The following BIRC2 variants were observed in gnomAD, a reference collection of about 807,000 sequenced individuals.
BIRC2 encodes baculoviral IAP repeat-containing protein 2.
In BIRC2, 18 loss-of-function variants were observed where a neutral mutation model predicts 60.9. The ratio of observed to expected loss-of-function variants is 0.30; its 90% CI spans 0.20 to 0.44. BIRC2 has a LOEUF of 0.44. Among genes scored for constraint, BIRC2 ranks in the 20% least tolerant of loss-of-function variants. BIRC2 has a pLI of 1.00. For missense variants in BIRC2, 701 were observed against 728.5 expected, an observed-to-expected ratio of 0.96 and a Z score of 0.43; for synonymous variants, 282 against 247.7, an observed-to-expected ratio of 1.14 and a Z score of -1.30.
intron 6 of BIRC2, among the ~76,000 whole-genome samples, chr11:102,371,688 A>C (rs1159229789): frequency 4.1e-5 from 6 of 147,018 alleles, no homozygotes; most frequent in African/African-American, 1.5e-4. Flanking sequence ...TCATAAAATG[A>C]GTTAGGGAGG....
At chr11:102,359,930 C>G (rs183722432) in intron 3 of BIRC2, among the ~76,000 whole-genome samples, 176 of 149,934 alleles carry the variant, frequency 1.2e-3, no homozygotes, top group Non-Finnish European at 1.9e-3. Context: ...TGTCCTTTCT[C>G]TCTTTTCCTT....
chr11:102,357,378 TTTC>T (rs201372692), intron 3 of BIRC2, among the ~76,000 whole-genome samples: 1,690 of 152,060 alleles, frequency 0.011, 30 homozygotes, highest in African/African-American at 0.037. Context: ...TTTCTTCTTC[TTTC>T]TTCTTCTTGA....
At chr11:102,356,396 C>G (rs1228716110) in intron 3 of BIRC2, among the ~76,000 whole-genome samples, 1 of 151,830 alleles carries the variant, frequency 6.6e-6, no homozygotes, top group Non-Finnish European at 1.5e-5. Flanking sequence ...TGGCGTTTCA[C>G]CATGTTGGCC....
At position 102,350,055 on chromosome 11, in the gene BIRC2, T is replaced by C. The variant is rs1184973230; in HGVS notation, c.201T>C (p.Leu67=). 6.2e-7 allele frequency: 1 copy of C among 1,614,246 alleles called. No homozygotes were observed. The highest frequency in any genetic ancestry group is 1.6e-4 in the Middle Eastern group (1 of 6,062). The change falls in exon 2 of 9, where the codon CTT becomes CTC. Residue 67 remains leucine, a synonymous_variant. Coordinates refer to ENST00000227758, the MANE Select transcript of BIRC2 (RefSeq NM_001166.5). ...PAGVPVSERS[L]ARAGFYYTGV... ...GGGTGCCTGTCTCAGAAAGGAGTCT[T>C]GCTCGTGCTGGTTTTTATTATACTG...
At chr11:102,375,960 A>ATT (rs112788487) in intron 6 of BIRC2, among the ~76,000 whole-genome samples, 4 of 145,044 alleles carry the variant, frequency 2.8e-5, no homozygotes, top group Admixed American at 1.4e-4. Flanking sequence ...TAGCACGTCA[A>ATT]TTTTTTTTTT....
intron 1 of BIRC2, chr11:102,347,918 T>A (rs1469186702): frequency 1.3e-5 from 2 of 152,232 alleles, no homozygotes; most frequent in East Asian, 1.9e-4. Context: ...GTAAAGAGAA[T>A]GCAGCAGTGC....
At chr11:102,371,818 G>A (rs11225232) in intron 6 of BIRC2, among the ~76,000 whole-genome samples, 72,557 of 149,104 alleles carry the variant, frequency 0.49, 18,643 homozygotes, top group East Asian at 0.73. Context: ...TGGTTGGTAA[G>A]CTATTGATTA....
intron 5 of BIRC2, among the ~76,000 whole-genome samples, chr11:102,364,182 CACACAG>C (rs1168086231): frequency 3.5e-5 from 3 of 86,580 alleles, no homozygotes; most frequent in African/African-American, 1.2e-4. Flanking sequence ...TATACACACA[CACACAG>C]AGAGAGAGAG....
chr11:102,374,864 T>A (rs1951688508), intron 6 of BIRC2, among the ~76,000 whole-genome samples: 1 of 152,202 alleles, frequency 6.6e-6, no homozygotes, highest in Non-Finnish European at 1.5e-5. Flanking sequence ...GGATATAATC[T>A]CTTGGTTCGC....
Position 102,349,492 on chromosome 11 carries a change from A to G in BIRC2, c.-363A>G, listed in dbSNP as rs771540052. On this transcript the variant is annotated 5_prime_UTR_variant, in exon 2 of 9. Transcript: ENST00000227758. ...ATAAAAGGCATAATTTAGGTATTCT[A>G]TAGTTGCTTAGAATTTTGTTAATAT... 26 of 165,550 alleles carry G rather than the reference A, an allele frequency of 1.6e-4. No homozygotes were observed. Among genetic ancestry groups the G allele is most frequent in the Non-Finnish European group, 2.6e-4 (20 of 76,474 alleles). The allele number at this position is 165,550 out of a possible 1,614,324, so 10.3% of individuals were successfully genotyped here.
intron 6 of BIRC2, among the ~76,000 whole-genome samples, chr11:102,375,158 G>C (rs571395036): frequency 6.6e-6 from 1 of 152,206 alleles, no homozygotes; most frequent in Admixed American, 6.5e-5. Flanking sequence ...CTGTACACCG[G>C]AGCTGTTCCT....
intron 3 of BIRC2, among the ~76,000 whole-genome samples, chr11:102,357,420 C>T (rs1951435389): frequency 6.6e-6 from 1 of 151,616 alleles, no homozygotes. Context: ...TCATCTGTTC[C>T]TGGGCTTTTT....
rs796573610 is a variant in BIRC2, at chr11:102,366,542, AT to A, written c.1124-1755del. Among the ~76,000 whole-genome samples, 25 of 150,066 alleles carry A rather than the reference AT, an allele frequency of 1.7e-4. No homozygotes were observed. In the South Asian group the frequency reaches 2.7e-3, roughly 16 times the overall value. The stretch of plus-strand genomic sequence containing the variant: ...CCACCACGCCCGGCTAATTTTTTGT[AT>A]TTTTTTTTAGTAGAGATGGGGTTTC... On this transcript the variant is annotated intron_variant, in intron 5 of 8. Coordinates refer to ENST00000227758, the MANE Select transcript of BIRC2 (RefSeq NM_001166.5).
rs147638046 is a variant in BIRC2, at chr11:102,350,017, A to T, written c.163A>T (p.Thr55Ser). Residue 55 changes from threonine to serine, a missense_variant, in exon 2 of 9, where the codon ACT becomes TCT. Physicochemically the swap from Thr to Ser is moderately conservative, Grantham distance 58. Around this residue, in one of 4 missense-constraint regions of BIRC2, gnomAD observed 375 missense variants for 365.9 expected, o/e 1.02. Coordinates refer to ENST00000227758, the MANE Select transcript of BIRC2 (RefSeq NM_001166.5). ...ACTCTACAGAATGTCTACATATTCA[A>T]CTTTCCCCGCCGGGGTGCCTGTCTC... Reference protein sequence around the residue: ...CELYRMSTYSTFPAGVPVSER... With the variant: ...CELYRMSTYSSFPAGVPVSER... 1 of 1,614,230 alleles carries T rather than the reference A, an allele frequency of 6.2e-7. No homozygotes were observed.
At chr11:102,375,555 C>T (rs1475822551) in intron 6 of BIRC2, among the ~76,000 whole-genome samples, 1 of 152,032 alleles carries the variant, frequency 6.6e-6, no homozygotes, top group African/African-American at 2.4e-5. Flanking sequence ...CCAAGACGGG[C>T]GGATCACAAG....
In BIRC2 at chr11:102,349,915, A is replaced by G. The variant is rs1050902695; in HGVS notation, c.61A>G (p.Ile21Val). The G allele has an allele frequency of 1.2e-6, 2 of 1,614,050 alleles. No individual in the cohort carries two copies. The highest frequency in any genetic ancestry group is 1.7e-6 in the Non-Finnish European group (2 of 1,180,002). ...TCCCTCGTATCAAAACATTAAGAGT[A>G]TAATGGAAGATAGCACGATCTTGTC... ...PGPSYQNIKSIMEDSTILSDW... is the reference protein window; with the variant it reads ...PGPSYQNIKSVMEDSTILSDW... Residue 21 changes from isoleucine (I) to valine (V), a missense_variant, in exon 2 of 9, where the codon ATA (isoleucine) becomes GTA (valine). Physicochemically the swap from Ile to Val is conservative, Grantham distance 29. Around this residue, in one of 4 missense-constraint regions of BIRC2, gnomAD observed 375 missense variants for 365.9 expected, o/e 1.02. Coordinates refer to ENST00000227758, the MANE Select transcript of BIRC2 (RefSeq NM_001166.5).
chr11:102,353,538 A>C (rs1951386402), intron 3 of BIRC2, among the ~76,000 whole-genome samples: 1 of 152,132 alleles, frequency 6.6e-6, no homozygotes, highest in Non-Finnish European at 1.5e-5. Context: ...GTCTAGTCTC[A>C]AACTTCTGAC....
chr11:102,367,996 A>T (rs1266743635), intron 5 of BIRC2, among the ~76,000 whole-genome samples: 1 of 152,252 alleles, frequency 6.6e-6, no homozygotes, highest in Non-Finnish European at 1.5e-5. Context: ...ATGACTATAC[A>T]TCAGAATCAT....
chr11:102,358,816 A>T (rs2135810281), intron 3 of BIRC2, among the ~76,000 whole-genome samples: 1 of 152,134 alleles, frequency 6.6e-6, no homozygotes, highest in Admixed American at 6.5e-5. Context: ...TTCCATTTGC[A>T]TGGAATATCT....
Sources: gnomAD v4.1 joint callset for allele counts (sites outside exome capture counted in the v4.1 genomes callset) on GRCh38, gnomAD v4.1.1 for gene constraint, gnomAD v4.1.1 regional missense constraint, MANE v1.5 for transcripts, NCBI Gene and HGNC (gene_info 2026-07-23, HGNC 2026-07-21) for gene names.